Variants in RYR3 observed in about 807,000 individuals in gnomAD.
RYR3 encodes ryanodine receptor 3.
A neutral mutation model predicts 584.3 loss-of-function variants in RYR3; 207 were observed. The observed-to-expected ratio is 0.35, with a 90% confidence interval of 0.32 to 0.40. The LOEUF is 0.40. Ranked by LOEUF, RYR3 falls within the 10% of genes least tolerant of loss-of-function variation. RYR3 has a pLI of 1.00. For synonymous variants in RYR3, 2,416 were observed against 2,248.5 expected (o/e 1.07, Z -2.11); for missense variants, 5,616 against 6,089.2 (o/e 0.92, Z 2.59).
intron 1 of RYR3, among the ~76,000 whole-genome samples, chr15:33,409,484 A>G (rs2043255560): frequency 6.6e-6 from 1 of 151,950 alleles, no homozygotes; most frequent in Admixed American, 6.6e-5. Context: ...GCTCAGCTCT[A>G]TCTCTTCACC....
rs868600792 is a variant in RYR3 at position 33,725,206 on chromosome 15, T to C, written c.6912+1030T>C. ...ACACACACACACACACACACACATATATACATCCCTTCTTAGGACCCCTCC... is the reference window on the plus strand; with the variant it reads ...ACACACACACACACACACACACATACATACATCCCTTCTTAGGACCCCTCC... On this transcript the variant is annotated intron_variant, in intron 45 of 103. Coordinates refer to ENST00000634891, the MANE Select transcript of RYR3 (RefSeq NM_001036.6). Among the ~76,000 whole-genome samples the C allele has an allele frequency of 3.5e-3, 412 of 119,418 alleles. 4 individuals are homozygous for C. Among genetic ancestry groups the C allele is most frequent in the African/African-American group, 0.013 (382 of 29,318 alleles). The allele number at this position is 119,418 out of a possible 152,430, so 78.3% of individuals were successfully genotyped here. A position where few individuals can be genotyped will look rare whatever the true frequency, so the allele number is the denominator to read the frequency against.
At chr15:33,852,938 A>T (rs576045238) in intron 94 of RYR3, 107 bp from the exon 95 acceptor site, 1 of 963,348 alleles carries the variant, frequency 1.0e-6, no homozygotes, top group African/African-American at 1.6e-5. Context: ...TGAGCAGGAC[A>T]CAAACCAGAA....
rs200724737 is a variant in RYR3, at chr15:33,835,019, G to A, written c.11515G>A (p.Ala3839Thr). The change falls in exon 87 of 104, where the codon GCA becomes ACA. Residue 3839 changes from alanine (A) to threonine (T), a missense_variant. Physicochemically the swap from Ala to Thr is moderately conservative, Grantham distance 58 (BLOSUM62 0). Around this residue, in one of 9 missense-constraint regions of RYR3, gnomAD observed 954 missense variants for 1,132.2 expected, o/e 0.84. Transcript: ENST00000634891. ...QSLAHSRLWD[A>T]VVGFLHVFAN... is the part of the protein sequence containing the mutation. ...CCTGGCTCACAGCAGGCTGTGGGAC[G>A]CAGTGGTTGGCTTCCTCCATGTCTT... 127 of 1,613,812 alleles carry A rather than the reference G, an allele frequency of 7.9e-5. No individual in the cohort carries two copies. Among genetic ancestry groups the A allele is most frequent in the Non-Finnish European group, 9.7e-5 (115 of 1,179,872 alleles).
chr15:33,688,382 G>A (rs2065165810), intron 38 of RYR3, among the ~76,000 whole-genome samples: 1 of 151,886 alleles, frequency 6.6e-6, no homozygotes, highest in African/African-American at 2.4e-5. Flanking sequence ...GACCATCCTG[G>A]ATAACATGGT....
chr15:33,538,951 T>C (rs2055570140), intron 5 of RYR3, among the ~76,000 whole-genome samples: 1 of 152,122 alleles, frequency 6.6e-6, no homozygotes, highest in Non-Finnish European at 1.5e-5. Flanking sequence ...GATGAAAGTG[T>C]GTAAGTGTGC....
intron 1 of RYR3, among the ~76,000 whole-genome samples, chr15:33,378,192 G>A (rs2040890264): frequency 1.3e-5 from 2 of 152,208 alleles, no homozygotes; most frequent in East Asian, 1.9e-4. Flanking sequence ...AGGCCCATAG[G>A]CATTACTTTG....
At chr15:33,653,165 T>C (rs527804848) in intron 32 of RYR3, among the ~76,000 whole-genome samples, 1 of 152,370 alleles carries the variant, frequency 6.6e-6, no homozygotes, top group Non-Finnish European at 1.5e-5. Context: ...GTAAATGTTA[T>C]TCATTTATTT....
At chr15:33,862,200 TGTAGCTTAGAGA>T (rs1270632943) in intron 102 of RYR3, among the ~76,000 whole-genome samples, 1 of 151,918 alleles carries the variant, frequency 6.6e-6, no homozygotes, top group Non-Finnish European at 1.5e-5. Context: ...CTCTCTATTT[TGTAGCTTAGAGA>T]GTCCTCATCT....
chr15:33,681,270 T>G (rs1210203017), intron 38 of RYR3, among the ~76,000 whole-genome samples: 1 of 152,232 alleles, frequency 6.6e-6, no homozygotes, highest in Non-Finnish European at 1.5e-5. Flanking sequence ...CTGGAGTACG[T>G]TAGTTTTCTA....
intron 14 of RYR3, among the ~76,000 whole-genome samples, chr15:33,583,667 C>G (rs886379912): frequency 2.0e-5 from 3 of 152,162 alleles, no homozygotes; most frequent in African/African-American, 2.4e-5. Flanking sequence ...CACCTGTAAT[C>G]CCACCAGTTT....
At position 33,594,434 on chromosome 15, in the gene RYR3, TGTTAAAAGCC is replaced by T. The variant is rs565923210; in HGVS notation, c.1789-6982_1789-6973del. On this transcript the variant is annotated intron_variant, in intron 16 of 103. Coordinates refer to ENST00000634891, the MANE Select transcript of RYR3 (RefSeq NM_001036.6). ...TTCACAGGAGTGTTCTTTACTCAATTGTTAAAAGCCGTAAATAGCTTAAAGGTTTTCTTAA... is the reference window on the plus strand; with the variant it reads ...TTCACAGGAGTGTTCTTTACTCAATTGTAAATAGCTTAAAGGTTTTCTTAA... 1.8e-4 allele frequency among the ~76,000 whole-genome samples: 28 copies of T among 152,290 alleles called. No homozygotes were observed. The South Asian group carries it at 4.6e-3, about 25-fold the overall frequency.
intron 67 of RYR3, among the ~76,000 whole-genome samples, chr15:33,798,215 A>G (rs751159184): frequency 2.0e-5 from 3 of 151,926 alleles, no homozygotes; most frequent in Non-Finnish European, 4.4e-5. Context: ...CAGCCTCCCA[A>G]GTAGCTGGGA....
intron 2 of RYR3, among the ~76,000 whole-genome samples, chr15:33,501,014 C>T (rs1011668893): frequency 7.2e-5 from 11 of 152,118 alleles, no homozygotes; most frequent in African/African-American, 2.7e-4. Context: ...TTTCCAAGTA[C>T]AGAGAGTCCA....
At chr15:33,725,975 CCAA>C (rs1233624019) in intron 45 of RYR3, among the ~76,000 whole-genome samples, 6 of 10,058 alleles carry the variant, frequency 6.0e-4, no homozygotes, top group African/African-American at 1.2e-3. Flanking sequence ...ATCCCCCCCC[CCAA>C]AAAAAAAAAA....
At chr15:33,859,752 G>C in intron 100 of RYR3, 21 bp downstream of exon 100, 2 of 1,594,416 alleles carry the variant, frequency 1.3e-6, no homozygotes, top group Non-Finnish European at 1.7e-6. Context: ...CAATTGTGTT[G>C]AGTATGAACA....
At chr15:33,373,122 A>G (rs1049803038) in intron 1 of RYR3, among the ~76,000 whole-genome samples, 3 of 152,202 alleles carry the variant, frequency 2.0e-5, no homozygotes, top group Non-Finnish European at 4.4e-5. Flanking sequence ...GGAATGGTGG[A>G]TTCATGCTGA....
intron 4 of RYR3, among the ~76,000 whole-genome samples, chr15:33,532,912 T>C (rs1048066820): frequency 6.6e-6 from 1 of 152,052 alleles, no homozygotes; most frequent in African/African-American, 2.4e-5. Flanking sequence ...AAGCCAGGCG[T>C]TCAAGACCAG....
chr15:33,642,159 C>T (rs2061865425), intron 27 of RYR3, among the ~76,000 whole-genome samples: 1 of 152,178 alleles, frequency 6.6e-6, no homozygotes, highest in Non-Finnish European at 1.5e-5. Context: ...ATTACCTTTT[C>T]CCCCTTACAT....
At chr15:33,339,698 G>A (rs1193245191) in intron 1 of RYR3, among the ~76,000 whole-genome samples, 1 of 152,086 alleles carries the variant, frequency 6.6e-6, no homozygotes, top group African/African-American at 2.4e-5. Flanking sequence ...GACCATCCTG[G>A]CTAACACGGT....
Sources: gnomAD v4.1 joint callset for allele counts (sites outside exome capture counted in the v4.1 genomes callset) on GRCh38, gnomAD v4.1.1 for gene constraint, gnomAD v4.1.1 regional missense constraint, MANE v1.5 for transcripts, NCBI Gene and HGNC (gene_info 2026-07-23, HGNC 2026-07-21) for gene names.